ADAMTS9: variants seen among roughly 807,000 people sequenced by gnomAD.
ADAMTS9 encodes ADAM metallopeptidase with thrombospondin type 1 motif 9.
A neutral mutation model predicts 257.1 loss-of-function variants in ADAMTS9; 107 were observed. That is an observed-to-expected ratio of 0.42 (90% CI 0.36 to 0.49). The LOEUF (loss-of-function observed/expected upper bound fraction) is 0.49. Ranked by LOEUF, ADAMTS9 falls within the 20% of genes least tolerant of loss-of-function variation. The probability of loss-of-function intolerance (pLI) is 0.03; values close to 1 mark genes in which losing one functional copy is unlikely to be tolerated. For synonymous variants in ADAMTS9, 982 were observed against 880.9 expected (o/e 1.11, Z -2.03); for missense variants, 2,353 against 2,469.1 (o/e 0.95, Z 1.00).
chr3:64,534,227 C>G (rs1022486348), intron 37 of ADAMTS9, among the ~76,000 whole-genome samples: 1 of 152,144 alleles, frequency 6.6e-6, no homozygotes, highest in Admixed American at 6.5e-5. Context: ...AAAATTCTTT[C>G]ACCTGTGATT....
Position 64,556,244 on chromosome 3 carries a change from T to C in ADAMTS9, c.4699-5182A>G, listed in dbSNP as rs138215249. ...ACAGTCAGACATATCTGAGCACAGC[T>C]TGTCCATGGCATTGTGAGAAGAAAA... On this transcript the variant is annotated intron_variant, in intron 30 of 39. Transcript: ENST00000498707. Among the ~76,000 whole-genome samples the C allele has an allele frequency of 6.5e-3, 992 of 152,338 alleles. 3 individuals are homozygous for C. The highest frequency in any genetic ancestry group is 9.5e-3 in the Non-Finnish European group (645 of 68,036).
At chr3:64,625,444 C>T (rs1490033959) in intron 16 of ADAMTS9, among the ~76,000 whole-genome samples, 1 of 152,152 alleles carries the variant, frequency 6.6e-6, no homozygotes, top group Admixed American at 6.5e-5. Context: ...TATGTGGATA[C>T]TAAAGAGGGC....
chr3:64,553,256 C>T lies in ADAMTS9; in HGVS notation c.4699-2194G>A, dbSNP rs555411122. ...TAGCAAACACCAGTCTGCTTTCTGT[C>T]TCTGCAGATTTGCCTATTCTGGGTA... On this transcript the variant is annotated intron_variant, in intron 30 of 39. Transcript: ENST00000498707. Among the ~76,000 whole-genome samples, 9 of 152,300 alleles carry T rather than the reference C, an allele frequency of 5.9e-5. 1 individual carries two copies. In the South Asian group the frequency reaches 1.9e-3, roughly 32 times the overall value.
intron 37 of ADAMTS9, among the ~76,000 whole-genome samples, chr3:64,538,063 C>G (rs759908940): frequency 5.3e-5 from 8 of 152,174 alleles, no homozygotes; most frequent in Non-Finnish European, 2.9e-5. Context: ...ACTTCTGGTC[C>G]GAACACTGCA....
intron 11 of ADAMTS9, among the ~76,000 whole-genome samples, chr3:64,646,664 A>T (rs1700796591): frequency 6.6e-6 from 1 of 152,238 alleles, no homozygotes; most frequent in African/African-American, 2.4e-5. Context: ...TATCTTCATT[A>T]TAAGTTTTTA....
chr3:64,557,939 T>C (rs1014640), intron 30 of ADAMTS9, among the ~76,000 whole-genome samples: 36,379 of 152,102 alleles, frequency 0.24, 4,837 homozygotes, highest in East Asian at 0.56. Context: ...GAAGGCCCCT[T>C]TCCCCTGAAC....
intron 12 of ADAMTS9, among the ~76,000 whole-genome samples, chr3:64,639,268 G>A (rs1035924487): frequency 2.2e-5 from 3 of 137,576 alleles, no homozygotes; most frequent in African/African-American, 8.3e-5. Flanking sequence ...AATGATGTCA[G>A]TGCTGACACT....
chr3:64,522,035 G>C, intron 39 of ADAMTS9, 131 bp downstream of exon 39: 1 of 694,082 alleles, frequency 1.4e-6, no homozygotes, highest in Middle Eastern at 2.7e-4. Flanking sequence ...GAGATAAAAA[G>C]GTAGAACTGT....
intron 32 of ADAMTS9, among the ~76,000 whole-genome samples, chr3:64,543,208 A>C (rs1378690667): frequency 0.1 from 1 of 10 alleles, no homozygotes; most frequent in African/African-American, 0.25. Context: ...CTGGTACCAT[A>C]TCCTTCTGAA....
intron 11 of ADAMTS9, among the ~76,000 whole-genome samples, chr3:64,643,429 A>C (rs1228754857): frequency 1.3e-5 from 2 of 149,806 alleles, no homozygotes; most frequent in Non-Finnish European, 3.0e-5. Context: ...TGTAGTCAAC[A>C]TAACATTACT....
intron 26 of ADAMTS9, 144 bp downstream of exon 26, chr3:64,601,800 T>G: frequency 1.0e-6 from 1 of 994,520 alleles, no homozygotes; most frequent in East Asian, 2.6e-5. Context: ...ATTAACCCAT[T>G]ACAAGTTACT....
intron 11 of ADAMTS9, among the ~76,000 whole-genome samples, chr3:64,643,601 T>C (rs980402193): frequency 2.6e-5 from 4 of 151,618 alleles, no homozygotes; most frequent in African/African-American, 9.7e-5. Context: ...CACAGGTGTA[T>C]GCCACCATGC....
rs1701916766 is a variant in ADAMTS9 at position 64,686,684 on chromosome 3, C to T, written c.400G>A (p.Val134Met). ...FTVTLLGTPG[V>M]NQTKFYSEEE... is the part of the protein sequence containing the mutation. Reference sequence around the variant, plus strand: ...TCGGAATAAAACTTGGTCTGATTCACCCCGGGCGTCCCGAGGAGGGTGACA... The same window carrying T: ...TCGGAATAAAACTTGGTCTGATTCATCCCGGGCGTCCCGAGGAGGGTGACA... Residue 134 changes from valine to methionine, a missense_variant, in exon 2 of 40, where the codon GTG becomes ATG. By Grantham distance (21) the Val-to-Met change is conservative. Transcript: ENST00000498707. The surrounding 1 kb of genome is among the most constrained non-coding windows in gnomAD (Gnocchi z 4.6). The T allele has an allele frequency of 5.0e-6, 8 of 1,614,088 alleles. No individual in the cohort carries two copies. The highest frequency in any genetic ancestry group is 6.8e-6 in the Non-Finnish European group (8 of 1,180,052).
chr3:64,632,554 A>AT (rs1448374742), intron 14 of ADAMTS9, among the ~76,000 whole-genome samples: 39 of 152,310 alleles, frequency 2.6e-4, no homozygotes, highest in African/African-American at 8.7e-4. Context: ...GGCCTGCTGA[A>AT]TTTCTCCTCA....
intron 28 of ADAMTS9, among the ~76,000 whole-genome samples, chr3:64,580,217 A>G (rs963784201): frequency 1.3e-5 from 2 of 152,198 alleles, no homozygotes; most frequent in Non-Finnish European, 1.5e-5. Context: ...GGAAACATCT[A>G]AAAGCATAAA....
chr3:64,609,197 C>T (rs1237664814), intron 22 of ADAMTS9, among the ~76,000 whole-genome samples: 2 of 152,050 alleles, frequency 1.3e-5, no homozygotes. Context: ...AAACTTTTCC[C>T]CACAAGATCA....
At chr3:64,597,708 T>A (rs927850536) in intron 26 of ADAMTS9, among the ~76,000 whole-genome samples, 3 of 152,246 alleles carry the variant, frequency 2.0e-5, no homozygotes, top group Non-Finnish European at 4.4e-5. Flanking sequence ...CATGGGGTTA[T>A]GTTTGCATTT....
chr3:64,645,850 G>T (rs1318770140), intron 11 of ADAMTS9, among the ~76,000 whole-genome samples: 1 of 152,168 alleles, frequency 6.6e-6, no homozygotes, highest in Non-Finnish European at 1.5e-5. Flanking sequence ...TCTGCTGAAA[G>T]CTCTCCCGAA....
chr3:64,541,580 T>C lies in ADAMTS9; in HGVS notation c.5238A>G (p.Lys1746=). ...AATATTCACCATCTTCACTGGCACCTTTAAGTCTTTTTACCTCCTTGCAAT... is the reference window on the plus strand; with the variant it reads ...AATATTCACCATCTTCACTGGCACCCTTAAGTCTTTTTACCTCCTTGCAAT... ...PQNCKEVKRL[K]GASEDGEYFL... The change falls in exon 34 of 40, where the codon AAA becomes AAG. Residue 1746 remains lysine, a synonymous_variant. Transcript: ENST00000498707. The C allele has an allele frequency of 1.2e-6, 2 of 1,614,164 alleles. No homozygotes were observed. Among genetic ancestry groups the C allele is most frequent in the Non-Finnish European group, 1.7e-6 (2 of 1,180,024 alleles).
Sources: gnomAD v4.1 joint callset for allele counts (sites outside exome capture counted in the v4.1 genomes callset) on GRCh38, gnomAD v4.1.1 for gene constraint, Gnocchi (gnomAD v3.1) non-coding constraint, MANE v1.5 for transcripts, NCBI Gene and HGNC (gene_info 2026-07-23, HGNC 2026-07-21) for gene names.